The following BTBD17 variants were observed in gnomAD, a reference collection of about 807,000 sequenced individuals.
BTBD17 encodes the protein BTB/POZ domain-containing protein 17.
BTBD17 carries 26 observed loss-of-function variants against 36.9 expected under a neutral mutation model. That is an observed-to-expected ratio of 0.70 (90% CI 0.52 to 0.98). BTBD17 has a LOEUF of 0.98. BTBD17 is among the 50% of genes least tolerant of loss of function. The pLI is 0.00. For synonymous variants in BTBD17, 341 were observed against 338.0 expected, an observed-to-expected ratio of 1.01 and a Z score of -0.10; for missense variants, 630 against 691.3, an observed-to-expected ratio of 0.91 and a Z score of 0.99.
Position 74,356,526 on chromosome 17 carries a change from C to A in BTBD17, c.*131G>T. The A allele has an allele frequency of 7.6e-6, 10 of 1,310,828 alleles. No individual in the cohort carries two copies. Among genetic ancestry groups the A allele is most frequent in the Non-Finnish European group, 9.7e-6 (10 of 1,026,750 alleles). 81.2% of individuals were successfully genotyped at this position (1,310,828 alleles called of 1,614,324 possible). On this transcript the variant is annotated 3_prime_UTR_variant, in exon 3 of 3. Coordinates refer to ENST00000375366, the MANE Select transcript of BTBD17 (RefSeq NM_001080466.2). The surrounding 1 kb of genome is among the most constrained non-coding windows in gnomAD (Gnocchi z 4.3). Reference sequence around the variant, plus strand: ...TGTCTACCACGCCTCACCTGGACTCCACCCCAGCCCTAGGGTGGCCGGCGC... The same window carrying A: ...TGTCTACCACGCCTCACCTGGACTCAACCCCAGCCCTAGGGTGGCCGGCGC...
chr17:74,359,751 C>T (rs1304031943), intron 2 of BTBD17, among the ~76,000 whole-genome samples: 1 of 152,164 alleles, frequency 6.6e-6, no homozygotes, highest in Non-Finnish European at 1.5e-5. Context: ...GAGGGGGTTA[C>T]TAGGAACCGA....
At chr17:74,358,338 A>T (rs2054912568) in intron 2 of BTBD17, among the ~76,000 whole-genome samples, 2 of 152,158 alleles carry the variant, frequency 1.3e-5, no homozygotes, top group African/African-American at 4.8e-5. Context: ...AAAAAATAAA[A>T]AATGTTAAAA....
chr17:74,363,177 G>A (rs1022598318), upstream of BTBD17, among the ~76,000 whole-genome samples: 10 of 152,162 alleles, frequency 6.6e-5, no homozygotes, highest in South Asian at 1.7e-3. Flanking sequence ...GGATCCCAGG[G>A]GCCAGCTCGA....
At position 74,361,715 on chromosome 17, in the gene BTBD17, C is replaced by T; in HGVS notation, c.85+20G>A. The T allele has an allele frequency of 2.5e-6, 4 of 1,606,562 alleles. No homozygotes were observed. The highest frequency in any genetic ancestry group is 8.5e-7 in the Non-Finnish European group (1 of 1,175,174). On this transcript the variant is annotated intron_variant, in intron 1 of 2. Coordinates refer to ENST00000375366, the MANE Select transcript of BTBD17 (RefSeq NM_001080466.2). ...CCTGCCGCTCCACCCTGCCCCGCAC[C>T]TGGCCCACTGCCCGCTCACCTGCAT...
In BTBD17 at chr17:74,359,292, G is replaced by A. The variant is rs183489687; in HGVS notation, c.362+677C>T. 1.3e-3 allele frequency among the ~76,000 whole-genome samples: 200 copies of A among 152,282 alleles called. 2 individuals carry two copies. Among genetic ancestry groups the A allele is most frequent in the African/African-American group, 4.7e-3 (196 of 41,550 alleles). On this transcript the variant is annotated intron_variant, in intron 2 of 2. Transcript: ENST00000375366. ...TAAAATAAAATAAAAAATGATTGCT[G>A]GCCCTAACCCTAGACCTGAAACTGA...
In BTBD17 at chr17:74,356,813, G is replaced by C; in HGVS notation, c.1281C>G (p.His427Gln). The C allele has an allele frequency of 6.3e-7, 1 of 1,587,590 alleles. No individual in the cohort carries two copies. ...CGCTGCTCTGGTGGAAGCTGTAGGC[G>C]TGGCGGACCAGCAGGCGGCCCTGCT... The part of the protein sequence containing the change: ...ARQQGRLLVR[H>Q]AYSFHQSSEE... Residue 427 changes from histidine (H) to glutamine (Q), a missense_variant, in exon 3 of 3, where the codon CAC becomes CAG. Transcript: ENST00000375366. This position sits in a 1 kb window ranked among gnomAD's most constrained non-coding sequence, Gnocchi z 4.3.
chr17:74,359,020 T>G (rs1180480642), intron 2 of BTBD17, among the ~76,000 whole-genome samples: 2 of 152,180 alleles, frequency 1.3e-5, no homozygotes, highest in Admixed American at 1.3e-4. Flanking sequence ...TTGGAAGCAA[T>G]GTATGGAATT....
chr17:74,361,101 G>GCTGGAATAGAACTTC (rs1179964995), intron 1 of BTBD17, among the ~76,000 whole-genome samples: 1 of 152,222 alleles, frequency 6.6e-6, no homozygotes, highest in Non-Finnish European at 1.5e-5. Flanking sequence ...GCCAGCTGGT[G>GCTGGAATAGAACTTC]CTGGAATAGA....
In BTBD17 at chr17:74,357,556, C is replaced by A. The variant is rs1383580172; in HGVS notation, c.538G>T (p.Gly180Trp). Residue 180 changes from glycine (G) to tryptophan (W), a missense_variant, in exon 3 of 3, where the codon GGG (glycine) becomes TGG (tryptophan). Transcript: ENST00000375366. This position sits in a 1 kb window ranked among gnomAD's most constrained non-coding sequence, Gnocchi z 8.4. ...VGWYHYAVGT[G>W]DEALRESCLQ... Reference sequence around the variant, plus strand: ...CAGCTCTCGCGCAGGGCCTCGTCCCCGGTGCCCACCGCGTAGTGGTACCAG... The same window carrying A: ...CAGCTCTCGCGCAGGGCCTCGTCCCAGGTGCCCACCGCGTAGTGGTACCAG... 7.1e-6 allele frequency: 11 copies of A among 1,553,696 alleles called. No homozygotes were observed. The highest frequency in any genetic ancestry group is 2.3e-5 in the South Asian group (2 of 85,578).
chr17:74,358,293 C>T (rs200072730), intron 2 of BTBD17, among the ~76,000 whole-genome samples: 1 of 152,012 alleles, frequency 6.6e-6, no homozygotes, highest in Non-Finnish European at 1.5e-5. Flanking sequence ...GAGTTCAAGA[C>T]CAGCTTGGGC....
Position 74,356,950 on chromosome 17 carries a change from G to A in BTBD17, c.1144C>T (p.Pro382Ser), listed in dbSNP as rs2054896229. ...VYADAAGTALPAARPEDGRPR... is the reference protein window; with the variant it reads ...VYADAAGTALSAARPEDGRPR... Reference sequence around the variant, plus strand: ...CGGCCGTCCTCCGGGCGCGCGGCGGGCAGAGCAGTGCCCGCGGCGTCCGCG... The same window carrying A: ...CGGCCGTCCTCCGGGCGCGCGGCGGACAGAGCAGTGCCCGCGGCGTCCGCG... Residue 382 changes from proline (P) to serine (S), a missense_variant, in exon 3 of 3, where the codon CCC (proline) becomes TCC (serine). By Grantham distance (74) the Pro-to-Ser change is moderately conservative. Transcript: ENST00000375366. The surrounding 1 kb of genome is among the most constrained non-coding windows in gnomAD (Gnocchi z 4.3). 2 of 1,418,690 alleles carry A rather than the reference G, an allele frequency of 1.4e-6. No individual in the cohort carries two copies. Among genetic ancestry groups the A allele is most frequent in the Non-Finnish European group, 1.8e-6 (2 of 1,098,468 alleles). 87.9% of individuals were successfully genotyped at this position (1,418,690 alleles called of 1,614,324 possible).
Position 74,360,392 on chromosome 17 carries a change from T to A in BTBD17, c.86-147A>T, listed in dbSNP as rs1031073605. On this transcript the variant is annotated intron_variant, in intron 1 of 2. Coordinates refer to ENST00000375366, the MANE Select transcript of BTBD17 (RefSeq NM_001080466.2). ...TAGGCGGGTTGTATGTGCATACCTGTTTGTGCCCACGAGGCGCGTGGATGC... is the reference window on the plus strand; with the variant it reads ...TAGGCGGGTTGTATGTGCATACCTGATTGTGCCCACGAGGCGCGTGGATGC... 6.4e-6 allele frequency: 5 copies of A among 784,594 alleles called. No homozygotes were observed. In the African/African-American group the frequency reaches 8.8e-5, roughly 14 times the overall value. The allele number at this position is 784,594 out of a possible 1,614,324, so 48.6% of individuals were successfully genotyped here. A position where few individuals can be genotyped will look rare whatever the true frequency, so the allele number is the denominator to read the frequency against.
intron 2 of BTBD17, among the ~76,000 whole-genome samples, chr17:74,358,856 G>A (rs1303786523): frequency 6.6e-6 from 1 of 152,146 alleles, no homozygotes; most frequent in Non-Finnish European, 1.5e-5. Context: ...CATTTCCCAG[G>A]CTCCCTCATT....
chr17:74,359,848 G>A, intron 2 of BTBD17, 121 bp downstream of exon 2: 1 of 992,126 alleles, frequency 1.0e-6, no homozygotes, highest in East Asian at 2.4e-5. Context: ...TGTCATCCCA[G>A]TGATGTCCGG....
Position 74,356,875 on chromosome 17 carries a change from C to T in BTBD17, c.1219G>A (p.Val407Met), listed in dbSNP as rs1458681123. The T allele has an allele frequency of 2.7e-6, 4 of 1,500,018 alleles. No individual in the cohort carries two copies. The highest frequency in any genetic ancestry group is 3.5e-6 in the Non-Finnish European group (4 of 1,134,960). The allele number at this position is 1,500,018 out of a possible 1,614,324, so 92.9% of individuals were successfully genotyped here. A position where few individuals can be genotyped will look rare whatever the true frequency, so the allele number is the denominator to read the frequency against. The change falls in exon 3 of 3, where the codon GTG (valine) becomes ATG (methionine). Residue 407 changes from valine to methionine, a missense_variant. Physicochemically the swap from Val to Met is conservative, Grantham distance 21. Transcript: ENST00000375366. This position sits in a 1 kb window ranked among gnomAD's most constrained non-coding sequence, Gnocchi z 4.3. ...PASSGGDAAG[V>M]SFQKTVLVGA... ...ACCAGCACCGTCTTCTGGAAGCTCA[C>T]GCCCGCCGCGTCGCCGCCGCTGCTG...
upstream of BTBD17, chr17:74,362,026 G>A (rs2054943785): frequency 1.8e-6 from 1 of 542,904 alleles, no homozygotes; most frequent in Non-Finnish European, 3.3e-6. Flanking sequence ...GAGAGCGGCA[G>A]CCCCGGGGGC....
intron 1 of BTBD17, among the ~76,000 whole-genome samples, chr17:74,360,638 C>T (rs62063603): frequency 2.5e-3 from 377 of 152,332 alleles, no homozygotes; most frequent in Non-Finnish European, 2.9e-3. Flanking sequence ...CCATCTAACC[C>T]CTTGGAGCAG....
chr17:74,358,125 A>G (rs1424843252), intron 2 of BTBD17, among the ~76,000 whole-genome samples: 1 of 152,008 alleles, frequency 6.6e-6, no homozygotes, highest in Non-Finnish European at 1.5e-5. Context: ...AGGCTAATCA[A>G]TCACCTAGGA....
Position 74,356,635 on chromosome 17 carries a change from C to G in BTBD17, c.*22G>C. On this transcript the variant is annotated 3_prime_UTR_variant, in exon 3 of 3. Coordinates refer to ENST00000375366, the MANE Select transcript of BTBD17 (RefSeq NM_001080466.2). This position sits in a 1 kb window ranked among gnomAD's most constrained non-coding sequence, Gnocchi z 4.3. ...ACCCACAGGGACCACCTAGGCCAGGCCTTTATTCCCAGACCCCGAGGCTAC... is the reference window on the plus strand; with the variant it reads ...ACCCACAGGGACCACCTAGGCCAGGGCTTTATTCCCAGACCCCGAGGCTAC... 1.4e-6 allele frequency: 2 copies of G among 1,479,484 alleles called. No individual in the cohort carries two copies. Among genetic ancestry groups the G allele is most frequent in the Non-Finnish European group, 1.8e-6 (2 of 1,107,822 alleles). 91.6% of individuals were successfully genotyped at this position (1,479,484 alleles called of 1,614,324 possible). A position where few individuals can be genotyped will look rare whatever the true frequency, so the allele number is the denominator to read the frequency against.
Sources: allele counts gnomAD v4.1 joint callset (sites outside exome capture counted in the v4.1 genomes callset), GRCh38; gene constraint gnomAD v4.1.1; non-coding constraint Gnocchi (gnomAD v3.1); transcripts MANE v1.5; gene names NCBI Gene and HGNC (gene_info 2026-07-23, HGNC 2026-07-21).